The following RABGAP1 variants were observed in gnomAD, a reference collection of about 807,000 sequenced individuals.
The protein encoded by RABGAP1 is rab GTPase-activating protein 1.
RABGAP1 carries 23 observed loss-of-function variants against 137.6 expected under a neutral mutation model. The ratio of observed to expected loss-of-function variants is 0.17; its 90% CI spans 0.12 to 0.24. RABGAP1 has a LOEUF of 0.24. RABGAP1 is among the 10% of genes least tolerant of loss of function. The pLI is 1.00. For missense variants in RABGAP1, 906 were observed against 1,275.8 expected, an observed-to-expected ratio of 0.71 and a Z score of 4.42; for synonymous variants, 451 against 450.7, an observed-to-expected ratio of 1.00 and a Z score of -0.01.
intron 13 of RABGAP1, among the ~76,000 whole-genome samples, chr9:123,050,309 T>C (rs2033399025): frequency 6.6e-6 from 1 of 152,232 alleles, no homozygotes; most frequent in Non-Finnish European, 1.5e-5. Context: ...AGGTTTTGAA[T>C]TGTTATTGTT....
chr9:123,047,065 G>A (rs1361774889), intron 13 of RABGAP1, among the ~76,000 whole-genome samples: 3 of 152,190 alleles, frequency 2.0e-5, no homozygotes, highest in African/African-American at 7.2e-5. Flanking sequence ...TTTGTCAAGT[G>A]CTTAGAAAAT....
chr9:123,021,003 A>G (rs997738433), intron 13 of RABGAP1: 3 of 566,416 alleles, frequency 5.3e-6, no homozygotes, highest in Non-Finnish European at 2.2e-6. Context: ...TTCTACAAGC[A>G]TATCAGGATT....
intron 2 of RABGAP1, among the ~76,000 whole-genome samples, chr9:122,978,765 A>C (rs1005766141): frequency 6.6e-6 from 1 of 152,216 alleles, no homozygotes; most frequent in African/African-American, 2.4e-5. Flanking sequence ...AAAAATGGAT[A>C]ATATGACTAG....
At chr9:122,945,324 A>C (rs544306523) in intron 1 of RABGAP1, 2 of 151,802 alleles carry the variant, frequency 1.3e-5, no homozygotes, top group Non-Finnish European at 2.9e-5. Flanking sequence ...GTTTCTCTTC[A>C]TGTGCAGACT....
chr9:123,033,121 C>T (rs2032396867), intron 13 of RABGAP1, among the ~76,000 whole-genome samples: 1 of 152,122 alleles, frequency 6.6e-6, no homozygotes, highest in Non-Finnish European at 1.5e-5. Flanking sequence ...GGCCAATATT[C>T]AGTGAATCAT....
intron 2 of RABGAP1, 40 bp from the exon 3 acceptor site, chr9:122,984,445 C>G: frequency 1.3e-6 from 2 of 1,554,974 alleles, no homozygotes; most frequent in Non-Finnish European, 1.8e-6. Context: ...ACTGGCCAAT[C>G]TTTGTCACTT....
At chr9:123,060,472 G>C (rs947019240) in intron 13 of RABGAP1, among the ~76,000 whole-genome samples, 1 of 152,166 alleles carries the variant, frequency 6.6e-6, no homozygotes, top group African/African-American at 2.4e-5. Flanking sequence ...ATGGACATTT[G>C]AGGTTTCTAG....
intron 13 of RABGAP1, among the ~76,000 whole-genome samples, chr9:123,038,818 C>G (rs561100839): frequency 1.3e-5 from 2 of 151,592 alleles, no homozygotes; most frequent in East Asian, 3.9e-4. Flanking sequence ...TGGCTGTAAA[C>G]GAGTCATTTG....
At chr9:123,094,974 C>T (rs1365311912) in intron 21 of RABGAP1, among the ~76,000 whole-genome samples, 4 of 151,866 alleles carry the variant, frequency 2.6e-5, no homozygotes, top group South Asian at 2.1e-4. Flanking sequence ...TCCTGATGTA[C>T]GTCATTTCTT....
intron 12 of RABGAP1, among the ~76,000 whole-genome samples, chr9:123,019,974 G>A (rs1457824020): frequency 6.6e-6 from 1 of 151,658 alleles, no homozygotes; most frequent in African/African-American, 2.4e-5. Flanking sequence ...GTGAGCCACC[G>A]CGCCCGGCCA....
At chr9:122,986,589 G>A (rs1278934800) in intron 4 of RABGAP1, among the ~76,000 whole-genome samples, 170 bp downstream of exon 4, 1 of 152,128 alleles carries the variant, frequency 6.6e-6, no homozygotes, top group Admixed American at 6.6e-5. Flanking sequence ...GTGAAAAATG[G>A]TTACTTATTT....
chr9:123,090,386 G>A lies in RABGAP1; in HGVS notation c.2628+1G>A. On this transcript the variant is annotated splice_donor_variant, in intron 21 of 25. Transcript: ENST00000373647. LOFTEE classifies it high-confidence loss of function. ...TGCACTACGGAAGGACCTGGATAACGTAAGTCCAACGGGTCTGAAGGGAAA... is the reference window on the plus strand; with the variant it reads ...TGCACTACGGAAGGACCTGGATAACATAAGTCCAACGGGTCTGAAGGGAAA... 1 of 1,601,630 alleles carries A rather than the reference G, an allele frequency of 6.2e-7. No individual in the cohort carries two copies. The highest frequency in any genetic ancestry group is 8.5e-7 in the Non-Finnish European group (1 of 1,170,608).
chr9:122,955,349 G>A (rs1399303965), intron 1 of RABGAP1, among the ~76,000 whole-genome samples: 1 of 152,134 alleles, frequency 6.6e-6, no homozygotes, highest in African/African-American at 2.4e-5. Context: ...CTTACTCTTT[G>A]TACATTATCT....
chr9:123,010,709 C>T (rs1393107247), intron 11 of RABGAP1, among the ~76,000 whole-genome samples, 181 bp downstream of exon 11: 8 of 152,150 alleles, frequency 5.3e-5, no homozygotes, highest in Admixed American at 1.3e-4. Flanking sequence ...ATTGAGTTTT[C>T]TTTAAGATAC....
At chr9:122,961,154 A>T (rs988244761) in intron 2 of RABGAP1, among the ~76,000 whole-genome samples, 1 of 152,192 alleles carries the variant, frequency 6.6e-6, no homozygotes, top group Non-Finnish European at 1.5e-5. Context: ...AAAAACAATA[A>T]TTTATATATC....
chr9:123,034,836 C>G (rs762998837), intron 13 of RABGAP1: 1 of 1,613,914 alleles, frequency 6.2e-7, no homozygotes, highest in Non-Finnish European at 8.5e-7. Flanking sequence ...TATCACTCCT[C>G]CATCACCCCC....
rs560756912 is a variant in RABGAP1 at position 123,008,035 on chromosome 9, A to G, written c.1375-2319A>G. On this transcript the variant is annotated intron_variant, in intron 10 of 25. Coordinates refer to ENST00000373647, the MANE Select transcript of RABGAP1 (RefSeq NM_012197.4). ...TATATAATTCAAAAAGCTTTTTACTATGGAAAATTCAAACATATGCAGAAA... is the reference window on the plus strand; with the variant it reads ...TATATAATTCAAAAAGCTTTTTACTGTGGAAAATTCAAACATATGCAGAAA... Among the ~76,000 whole-genome samples, 8 of 151,690 alleles carry G rather than the reference A, an allele frequency of 5.3e-5. No individual in the cohort carries two copies. In the South Asian group the frequency reaches 1.0e-3, roughly 20 times the overall value.
chr9:122,938,682 GTATCTAACATAA>G (rs1255532187), upstream of RABGAP1: 8 of 152,244 alleles, frequency 5.3e-5, no homozygotes, highest in Admixed American at 5.2e-4. Flanking sequence ...ACAATGTTAT[GTATCTAACATAA>G]TATCTAACAT....
At chr9:122,974,776 T>G (rs1454792394) in intron 2 of RABGAP1, among the ~76,000 whole-genome samples, 1 of 152,228 alleles carries the variant, frequency 6.6e-6, no homozygotes, top group Non-Finnish European at 1.5e-5. Context: ...TATTTTAAAG[T>G]AATACTAGAA....
Sources: allele counts gnomAD v4.1 joint callset (sites outside exome capture counted in the v4.1 genomes callset), GRCh38; gene constraint gnomAD v4.1.1; transcripts MANE v1.5; gene names NCBI Gene and HGNC (gene_info 2026-07-23, HGNC 2026-07-21).